MCMBP: variants seen among roughly 807,000 people sequenced by gnomAD.
MCMBP encodes the protein mini-chromosome maintenance complex-binding protein.
MCMBP carries 31 observed loss-of-function variants against 81.3 expected under a neutral mutation model. The observed-to-expected ratio is 0.38, with a 90% CI of 0.29 to 0.51. The LOEUF (loss-of-function observed/expected upper bound fraction) is 0.51, where lower values mean the gene tolerates loss of function less well. Among genes scored for constraint, MCMBP ranks in the 20% least tolerant of loss-of-function variants. The pLI is 0.87. For synonymous variants in MCMBP, 267 were observed against 275.9 expected (o/e 0.97, Z 0.32); for missense variants, 645 against 772.1 (o/e 0.84, Z 1.95).
In MCMBP at chr10:119,832,082, C is replaced by G. The variant is rs1852067721; in HGVS notation, c.1726G>C (p.Val576Leu). The G allele has an allele frequency of 1.2e-6, 2 of 1,612,784 alleles. No homozygotes were observed. The highest frequency in any genetic ancestry group is 2.7e-5 in the African/African-American group (2 of 74,826). Residue 576 changes from valine (V) to leucine (L), a missense_variant, in exon 15 of 16, where the codon GTG (valine) becomes CTG (leucine). Physicochemically the swap from Val to Leu is conservative, Grantham distance 32. Coordinates refer to ENST00000369077, the MANE Select transcript of MCMBP (RefSeq NM_001256378.2). Reference protein sequence around the residue: ...EITKAVEDDFVEMRKNDPQSI... With the variant: ...EITKAVEDDFLEMRKNDPQSI... ...TGAGGGTCGTTCTTCCGCATTTCCA[C>G]AAAGTCATCTTCAACTGCCTTTATC...
At position 119,842,632 on chromosome 10, in the gene MCMBP, C is replaced by T. The variant is rs372895568; in HGVS notation, c.1001-37G>A. 6 of 1,592,160 alleles carry T rather than the reference C, an allele frequency of 3.8e-6. No homozygotes were observed. In the African/African-American group the frequency reaches 4.1e-5, roughly 11 times the overall value. ...AGGAAGACCTGAGTCAGGACACACA[C>T]TCCAGTTCCTCTCAAGTGTCTTAGG... On this transcript the variant is annotated intron_variant, in intron 9 of 15. Transcript: ENST00000369077.
rs564213297 is a variant in MCMBP at position 119,843,675 on chromosome 10, T to A, written c.828-249A>T. On this transcript the variant is annotated intron_variant, in intron 8 of 15. Transcript: ENST00000369077. ...AGAACGGTATTTTTATTTTTATTTT[T>A]TTTTTGGATGGAGTCTCACTGTGTT... is the stretch of plus-strand genomic sequence containing the variant. Among the ~76,000 whole-genome samples the A allele has an allele frequency of 1.2e-4, 18 of 152,278 alleles. No individual in the cohort carries two copies. In the South Asian group the frequency reaches 3.5e-3, roughly 30 times the overall value.
At position 119,853,991 on chromosome 10, in the gene MCMBP, GA is replaced by G. The variant is rs1328048123; in HGVS notation, c.430-798del. ...CAGGTGGGAGGACCACTCAGCCCAGGAAGTTGAGAGTAGCCTGGGCAACACA... is the reference window on the plus strand; with the variant it reads ...CAGGTGGGAGGACCACTCAGCCCAGGAGTTGAGAGTAGCCTGGGCAACACA... On this transcript the variant is annotated intron_variant, in intron 5 of 15. Transcript: ENST00000369077. Among the ~76,000 whole-genome samples, 3 of 152,044 alleles carry G rather than the reference GA, an allele frequency of 2.0e-5. No individual in the cohort carries two copies. In the East Asian group the frequency reaches 5.8e-4, roughly 29 times the overall value.
At chr10:119,867,284 C>T (rs888948111) in intron 1 of MCMBP, among the ~76,000 whole-genome samples, 2 of 91,994 alleles carry the variant, frequency 2.2e-5, no homozygotes, top group African/African-American at 9.3e-5. Context: ...CAGAGCGAGA[C>T]TCCATCTCAA....
In MCMBP at chr10:119,831,692, CAG is replaced by C. The variant is rs923500526; in HGVS notation, c.1797-94_1797-93del. On this transcript the variant is annotated intron_variant, in intron 15 of 15. Transcript: ENST00000369077. ...GACCTAGGAATACTTTGTGAAAACA[CAG>C]AGCACGTTAGGAGACAAGACCGTAT... The C allele has an allele frequency of 4.2e-6, 6 of 1,434,504 alleles. No individual in the cohort carries two copies. The African/African-American group carries it at 4.3e-5, about 10-fold the overall frequency. The allele number at this position is 1,434,504 out of a possible 1,614,324, so 88.9% of individuals were successfully genotyped here. A position where few individuals can be genotyped will look rare whatever the true frequency, so the allele number is the denominator to read the frequency against.
intron 1 of MCMBP, among the ~76,000 whole-genome samples, chr10:119,860,195 T>C (rs539204982): frequency 2.0e-5 from 3 of 152,334 alleles, no homozygotes; most frequent in Admixed American, 6.5e-5. Context: ...CAAGGCCACC[T>C]AGATTCAGCA....
chr10:119,831,294 G>T lies in MCMBP; in HGVS notation c.*180C>A. On this transcript the variant is annotated 3_prime_UTR_variant, in exon 16 of 16. Transcript: ENST00000369077. ...AAACTTCAAAAGCTCCATGAAATCAGTAAGGTAAAAGTCCTTACTGAATAT... is the reference window on the plus strand; with the variant it reads ...AAACTTCAAAAGCTCCATGAAATCATTAAGGTAAAAGTCCTTACTGAATAT... 1 of 467,540 alleles carries T rather than the reference G, an allele frequency of 2.1e-6. No individual in the cohort carries two copies. Among genetic ancestry groups the T allele is most frequent in the East Asian group, 3.9e-5 (1 of 25,458 alleles). 29.0% of individuals were successfully genotyped at this position (467,540 alleles called of 1,614,324 possible). A position where few individuals can be genotyped will look rare whatever the true frequency, so the allele number is the denominator to read the frequency against.
chr10:119,838,729 G>C lies in MCMBP; in HGVS notation c.1243-29C>G, dbSNP rs1254374809. ...CAAAGAGAAATTTTTTAGTGAACAA[G>C]AATTTAAGTTTCCCTGTTTTAAGAA... On this transcript the variant is annotated intron_variant, in intron 11 of 15. Coordinates refer to ENST00000369077, the MANE Select transcript of MCMBP (RefSeq NM_001256378.2). The C allele has an allele frequency of 3.2e-6, 5 of 1,567,540 alleles. No individual in the cohort carries two copies. The African/African-American group carries it at 5.4e-5, about 17-fold the overall frequency.
chr10:119,840,208 T>G (rs1486686552), intron 11 of MCMBP, among the ~76,000 whole-genome samples: 1 of 152,196 alleles, frequency 6.6e-6, no homozygotes, highest in Non-Finnish European at 1.5e-5. Context: ...GACTGAGAAC[T>G]GCTGGTATAT....
rs143374034 is a variant in MCMBP, at chr10:119,838,690, A to C, written c.1253T>G (p.Leu418Arg). ...GTTCATGTTCTCTATAGTCATCTGC[A>C]GACGAAAAGACTGCAAAGAGAAATT... ...IQHLVPASFR[L>R]QMTIENMNHL... Residue 418 changes from leucine to arginine, a missense_variant, in exon 12 of 16, where the codon CTG (leucine) becomes CGG (arginine). By Grantham distance (102) the Leu-to-Arg change is moderately radical. Transcript: ENST00000369077. 8 of 1,601,284 alleles carry C rather than the reference A, an allele frequency of 5.0e-6. No homozygotes were observed. The highest frequency in any genetic ancestry group is 6.8e-6 in the Non-Finnish European group (8 of 1,171,670).
chr10:119,857,433 G>A lies in MCMBP; in HGVS notation c.334C>T (p.Gln112Ter). The A allele has an allele frequency of 2.5e-6, 4 of 1,604,026 alleles. No homozygotes were observed. The highest frequency in any genetic ancestry group is 3.4e-6 in the Non-Finnish European group (4 of 1,174,084). Reference protein sequence around the residue: ...YRDVAECGPQQELDLNSPRNT... With the variant: ...YRDVAECGPQ ...CGTGGAGAGTTTAAATCAAGTTCTT[G>A]TTGAGGCTGTGATATACATAAAAAG... Residue 112 changes from glutamine (Q) to a stop codon, truncating the protein, a stop_gained, in exon 5 of 16, where the codon CAA becomes TAA. Transcript: ENST00000369077. LOFTEE classifies it high-confidence loss of function.
chr10:119,837,747 C>A (rs1226198658), intron 12 of MCMBP, among the ~76,000 whole-genome samples: 1 of 152,032 alleles, frequency 6.6e-6, no homozygotes, highest in Non-Finnish European at 1.5e-5. Context: ...TTGGCCACTG[C>A]ACTCCAGCCT....
intron 11 of MCMBP, 87 bp from the exon 12 acceptor site, chr10:119,838,787 T>G: frequency 8.1e-7 from 1 of 1,231,558 alleles, no homozygotes; most frequent in Non-Finnish European, 1.1e-6. Flanking sequence ...TTGTGTTTCA[T>G]ATGGAAAAAG....
chr10:119,842,246 T>A (rs761328370), intron 10 of MCMBP, among the ~76,000 whole-genome samples: 4 of 152,190 alleles, frequency 2.6e-5, no homozygotes, highest in Non-Finnish European at 5.9e-5. Flanking sequence ...CACTGCTTTA[T>A]CTGATTTTGG....
At chr10:119,852,584 C>T (rs1002317468) in intron 6 of MCMBP, among the ~76,000 whole-genome samples, 1 of 152,130 alleles carries the variant, frequency 6.6e-6, no homozygotes, top group Non-Finnish European at 1.5e-5. Flanking sequence ...GTTGAAGTGA[C>T]AGGGGATCAC....
At chr10:119,846,359 G>A (rs1205527319) in intron 8 of MCMBP, among the ~76,000 whole-genome samples, 1 of 152,096 alleles carries the variant, frequency 6.6e-6, no homozygotes, top group Admixed American at 6.6e-5. Context: ...AAATGGAAGA[G>A]GTATCTTTTA....
At chr10:119,846,348 C>T (rs575053868) in intron 8 of MCMBP, among the ~76,000 whole-genome samples, 7 of 151,990 alleles carry the variant, frequency 4.6e-5, no homozygotes, top group Non-Finnish European at 8.8e-5. Flanking sequence ...CTTGAATAAA[C>T]AAATGGAAGA....
intron 1 of MCMBP, among the ~76,000 whole-genome samples, chr10:119,872,271 C>T (rs1853707848): frequency 6.6e-6 from 1 of 152,042 alleles, no homozygotes; most frequent in South Asian, 2.1e-4. Flanking sequence ...CAGCCCGCGC[C>T]CCACGACTTC....
intron 11 of MCMBP, 56 bp from the exon 12 acceptor site, chr10:119,838,756 A>G: frequency 1.4e-6 from 2 of 1,464,398 alleles, no homozygotes; most frequent in Non-Finnish European, 1.9e-6. Flanking sequence ...TTTTAAGAAA[A>G]TATGTACTTG....
Sources: allele counts gnomAD v4.1 joint callset (sites outside exome capture counted in the v4.1 genomes callset), GRCh38; gene constraint gnomAD v4.1.1; transcripts MANE v1.5; gene names NCBI Gene and HGNC (gene_info 2026-07-23, HGNC 2026-07-21).